Variants in ACTR3C observed in about 807,000 individuals in gnomAD.
ACTR3C encodes actin related protein 3C, also known as actin-related protein 3C.
Under a neutral mutation model 26.3 loss-of-function variants are expected in ACTR3C, and 18 were observed. The ratio of observed to expected loss-of-function variants is 0.68; its 90% CI spans 0.47 to 1.01. ACTR3C has a LOEUF of 1.01. Among genes scored for constraint, ACTR3C ranks in the 50% least tolerant of loss-of-function variants. The pLI is 0.00. For synonymous variants in ACTR3C, 55 were observed against 94.5 expected, an observed-to-expected ratio of 0.58 and a Z score of 2.42; for missense variants, 184 against 250.7, an observed-to-expected ratio of 0.73 and a Z score of 1.80.
chr7:149,894,827 G>C, the ACTR3C span, among the ~76,000 whole-genome samples: 15 of 151,978 alleles, frequency 9.9e-5, no homozygotes, highest in South Asian at 3.1e-3. Context: ...AAACAGTATA[G>C]AGGCTCCTCA....
chr7:149,919,931 A>G, the ACTR3C span, among the ~76,000 whole-genome samples: 1 of 118,836 alleles, frequency 8.4e-6, no homozygotes, highest in Non-Finnish European at 1.7e-5. Context: ...CCCACTCCCC[A>G]GCCCAAACCT....
At chr7:150,104,805 T>C in the ACTR3C span, among the ~76,000 whole-genome samples, 6 of 152,054 alleles carry the variant, frequency 3.9e-5, no homozygotes, top group Admixed American at 3.9e-4. Context: ...ATGATCACTG[T>C]GGCCTAAGTC....
At chr7:150,279,549 G>A (rs1286756192) in intron 6 of ACTR3C, among the ~76,000 whole-genome samples, 1 of 150,926 alleles carries the variant, frequency 6.6e-6, no homozygotes, top group East Asian at 1.9e-4. Context: ...ATATTTTATT[G>A]CTGGTCCCAC....
chr7:149,965,036 G>C, the ACTR3C span, among the ~76,000 whole-genome samples: 5 of 151,842 alleles, frequency 3.3e-5, no homozygotes, highest in East Asian at 9.7e-4. Flanking sequence ...AAATATCCAA[G>C]TCCTTTTTGT....
At chr7:150,029,421 A>C in the ACTR3C span, among the ~76,000 whole-genome samples, 23,506 of 59,612 alleles carry the variant, frequency 0.39, 2,894 homozygotes, top group East Asian at 0.5. Flanking sequence ...AAAAAAACAA[A>C]CAAAAAAAAA....
the ACTR3C span, among the ~76,000 whole-genome samples, chr7:150,088,106 CAA>C: frequency 6.6e-6 from 1 of 152,158 alleles, no homozygotes. Context: ...ATTCAATTTG[CAA>C]AAGTGTTCTC....
chr7:149,957,008 C>A, the ACTR3C span, among the ~76,000 whole-genome samples: 1 of 152,148 alleles, frequency 6.6e-6, no homozygotes, highest in Non-Finnish European at 1.5e-5. Flanking sequence ...GTCTCTCATA[C>A]AGACTGGCTG....
chr7:150,204,733 G>A, the ACTR3C span, among the ~76,000 whole-genome samples: 1 of 152,116 alleles, frequency 6.6e-6, no homozygotes, highest in Non-Finnish European at 1.5e-5. Flanking sequence ...GAGTGCAGAG[G>A]AGGAGCAAGG....
intron 3 of ACTR3C, among the ~76,000 whole-genome samples, chr7:150,291,106 G>T (rs1272696356): frequency 1.3e-5 from 2 of 151,870 alleles, no homozygotes; most frequent in African/African-American, 4.9e-5. Context: ...GTGTGTGTGT[G>T]TGCATGCATG....
At chr7:150,256,047 A>G (rs3864517) in intron 6 of ACTR3C, among the ~76,000 whole-genome samples, 134,024 of 152,260 alleles carry the variant, frequency 0.88, 59,370 homozygotes, top group East Asian at 1. Flanking sequence ...ATTGGTTATC[A>G]CTAAGTTGTT....
intron 6 of ACTR3C, among the ~76,000 whole-genome samples, chr7:150,265,431 T>C (rs576453751): frequency 3.3e-5 from 5 of 151,894 alleles, no homozygotes; most frequent in Non-Finnish European, 5.9e-5. Context: ...TGATGGCTTA[T>C]GCCTGTAATC....
At chr7:150,249,808 T>C (rs1832708793) in intron 6 of ACTR3C, among the ~76,000 whole-genome samples, 1 of 152,200 alleles carries the variant, frequency 6.6e-6, no homozygotes, top group Non-Finnish European at 1.5e-5. Flanking sequence ...AAAGTTACTA[T>C]GCCATCTGAT....
At chr7:150,036,863 AG>A in the ACTR3C span, among the ~76,000 whole-genome samples, 15,714 of 114,708 alleles carry the variant, frequency 0.14, 1,789 homozygotes, top group South Asian at 0.17. Context: ...GTCCTAAGCC[AG>A]GGGGGGATGA....
chr7:150,275,866 C>T (rs2462084), intron 6 of ACTR3C, among the ~76,000 whole-genome samples: 1 of 147,536 alleles, frequency 6.8e-6, no homozygotes, highest in East Asian at 1.9e-4. Context: ...CTCTTCGGTG[C>T]ACCTCTGACC....
the ACTR3C span, among the ~76,000 whole-genome samples, chr7:150,037,884 G>A: frequency 1.5e-5 from 2 of 129,120 alleles, no homozygotes; most frequent in African/African-American, 5.8e-5. Context: ...AAGAGCAAAG[G>A]GGGGAAGAGG....
At chr7:150,283,645 C>T (rs1254268842) in intron 6 of ACTR3C, among the ~76,000 whole-genome samples, 2 of 152,096 alleles carry the variant, frequency 1.3e-5, no homozygotes, top group Middle Eastern at 3.4e-3. Flanking sequence ...TCCTTTTTCA[C>T]TTCATATATA....
chr7:149,924,428 AAAACAAACAAAC>A, the ACTR3C span, among the ~76,000 whole-genome samples: 1 of 152,148 alleles, frequency 6.6e-6, no homozygotes, highest in Non-Finnish European at 1.5e-5. Flanking sequence ...ACAATAAGTG[AAAACAAACAAAC>A]AAACAAACAC....
chr7:150,058,337 G>A, the ACTR3C span, among the ~76,000 whole-genome samples: 5 of 152,178 alleles, frequency 3.3e-5, no homozygotes, highest in African/African-American at 1.2e-4. Context: ...ACACCTGCTT[G>A]TATGGCCAAC....
the ACTR3C span, among the ~76,000 whole-genome samples, chr7:149,983,175 A>C: frequency 6.6e-6 from 1 of 152,022 alleles, no homozygotes; most frequent in African/African-American, 2.4e-5. Flanking sequence ...TCCCAAAAGA[A>C]GGCATGGGGG....
Sources: gnomAD v4.1 joint callset for allele counts (sites outside exome capture counted in the v4.1 genomes callset) on GRCh38, gnomAD v4.1.1 for gene constraint, MANE v1.5 for transcripts, NCBI Gene and HGNC (gene_info 2026-07-23, HGNC 2026-07-21) for gene names.